The following KCND2 variants were observed in gnomAD, a reference collection of about 807,000 sequenced individuals.
KCND2 encodes the protein A-type voltage-gated potassium channel KCND2.
A neutral mutation model predicts 54.4 loss-of-function variants in KCND2; 16 were observed. The observed-to-expected ratio is 0.29, with a 90% CI of 0.20 to 0.45. The LOEUF is 0.45. Ranked by LOEUF, KCND2 falls within the 20% of genes least tolerant of loss-of-function variation. The pLI is 1.00. For missense variants in KCND2, 486 were observed against 824.2 expected, an observed-to-expected ratio of 0.59 and a Z score of 5.02; for synonymous variants, 317 against 310.7, an observed-to-expected ratio of 1.02 and a Z score of -0.21.
intron 1 of KCND2, among the ~76,000 whole-genome samples, chr7:120,418,558 A>T (rs1045829163): frequency 6.6e-6 from 1 of 152,030 alleles, no homozygotes; most frequent in Non-Finnish European, 1.5e-5. Context: ...AGAAATACTC[A>T]TTACTCAGAT....
intron 2 of KCND2, among the ~76,000 whole-genome samples, chr7:120,737,303 A>G (rs758410841): frequency 6.6e-6 from 1 of 151,978 alleles, no homozygotes; most frequent in Non-Finnish European, 1.5e-5. Context: ...GCAAGAAATA[A>G]CTACTTGCTA....
intron 1 of KCND2, among the ~76,000 whole-genome samples, chr7:120,509,271 T>G (rs1037938757): frequency 6.6e-6 from 1 of 151,972 alleles, no homozygotes; most frequent in African/African-American, 2.4e-5. Flanking sequence ...GAGTAAAGTA[T>G]GGACTTCAGT....
intron 1 of KCND2, among the ~76,000 whole-genome samples, chr7:120,620,110 T>C (rs1425345062): frequency 6.6e-6 from 1 of 152,158 alleles, no homozygotes; most frequent in African/African-American, 2.4e-5. Flanking sequence ...ATTTTGTAAG[T>C]ACAAAAATAA....
rs183449519 is a variant in KCND2, at chr7:120,509,878, T to C, written c.1116-223025T>C. ...ATCAATGTTTTGATACCATCTATTA[T>C]AGGATAAGCTTTGGTTCATTCTTCT... On this transcript the variant is annotated intron_variant, in intron 1 of 5. Transcript: ENST00000331113. 1.7e-4 allele frequency among the ~76,000 whole-genome samples: 26 copies of C among 152,192 alleles called. No homozygotes were observed. In the East Asian group the frequency reaches 4.3e-3, roughly 25 times the overall value.
intron 1 of KCND2, among the ~76,000 whole-genome samples, chr7:120,549,628 G>A (rs1180270151): frequency 1.3e-5 from 2 of 152,146 alleles, no homozygotes; most frequent in African/African-American, 4.8e-5. Flanking sequence ...TAGAGAAATT[G>A]TGAACTCAAC....
At chr7:120,299,921 T>A (rs75710046) in intron 1 of KCND2, among the ~76,000 whole-genome samples, 4,895 of 152,268 alleles carry the variant, frequency 0.032, 106 homozygotes, top group Non-Finnish European at 0.047. Context: ...CTTTGAAGAG[T>A]AATGTTGAAA....
At chr7:120,281,630 A>T (rs1008108075) in intron 1 of KCND2, among the ~76,000 whole-genome samples, 1 of 152,176 alleles carries the variant, frequency 6.6e-6, no homozygotes, top group Non-Finnish European at 1.5e-5. Flanking sequence ...ATTTTTATAT[A>T]TAATTTATGG....
chr7:120,294,596 C>T (rs967217250), intron 1 of KCND2, among the ~76,000 whole-genome samples: 2 of 151,704 alleles, frequency 1.3e-5, no homozygotes, highest in Admixed American at 1.3e-4. Flanking sequence ...TTAGAGAGAA[C>T]ATACATATAG....
intron 1 of KCND2, among the ~76,000 whole-genome samples, chr7:120,276,976 T>C (rs978212111): frequency 6.6e-6 from 1 of 152,106 alleles, no homozygotes; most frequent in Non-Finnish European, 1.5e-5. Context: ...GGCTACTCTT[T>C]AAGCTTTGTG....
At chr7:120,620,662 A>G (rs1222450589) in intron 1 of KCND2, among the ~76,000 whole-genome samples, 1 of 152,224 alleles carries the variant, frequency 6.6e-6, no homozygotes, top group East Asian at 1.9e-4. Context: ...TGACATGCTA[A>G]GTCATAATTT....
At chr7:120,302,561 G>C (rs981506597) in intron 1 of KCND2, among the ~76,000 whole-genome samples, 1 of 152,150 alleles carries the variant, frequency 6.6e-6, no homozygotes, top group Non-Finnish European at 1.5e-5. Context: ...ATAAGCCACT[G>C]TGCCTGGCCA....
intron 1 of KCND2, among the ~76,000 whole-genome samples, chr7:120,391,496 T>C (rs1268874111): frequency 2.0e-5 from 3 of 152,120 alleles, no homozygotes; most frequent in African/African-American, 7.2e-5. Context: ...TGCCACACTG[T>C]CTTCCACAAT....
chr7:120,520,851 C>A (rs1791683436), intron 1 of KCND2, among the ~76,000 whole-genome samples: 1 of 152,100 alleles, frequency 6.6e-6, no homozygotes, highest in Non-Finnish European at 1.5e-5. Context: ...CCTGATGTGT[C>A]AAGGTGAGTG....
intron 1 of KCND2, among the ~76,000 whole-genome samples, chr7:120,482,912 A>G (rs1201266509): frequency 6.6e-6 from 1 of 152,150 alleles, no homozygotes; most frequent in Non-Finnish European, 1.5e-5. Context: ...TAATTGCGTC[A>G]CTTATTACTC....
At chr7:120,629,013 A>G (rs1287255921) in intron 1 of KCND2, among the ~76,000 whole-genome samples, 2 of 152,232 alleles carry the variant, frequency 1.3e-5, no homozygotes, top group African/African-American at 4.8e-5. Flanking sequence ...TGCTATTAAG[A>G]AAAATGTACG....
chr7:120,320,932 A>G (rs747597150), intron 1 of KCND2, among the ~76,000 whole-genome samples: 4 of 152,170 alleles, frequency 2.6e-5, no homozygotes, highest in Non-Finnish European at 5.9e-5. Flanking sequence ...GCTTCCTGCA[A>G]GGAAATAGCT....
At chr7:120,314,237 T>C (rs1799781097) in intron 1 of KCND2, among the ~76,000 whole-genome samples, 1 of 152,072 alleles carries the variant, frequency 6.6e-6, no homozygotes, top group South Asian at 2.1e-4. Context: ...AATATGTTTA[T>C]TTTCAAAATG....
At chr7:120,677,944 G>T (rs1055714157) in intron 1 of KCND2, among the ~76,000 whole-genome samples, 1 of 151,856 alleles carries the variant, frequency 6.6e-6, no homozygotes, top group Admixed American at 6.6e-5. Flanking sequence ...GAAACTAATC[G>T]GTAGTCTGTA....
chr7:120,661,820 T>G (rs1289194683), intron 1 of KCND2, among the ~76,000 whole-genome samples: 1 of 152,156 alleles, frequency 6.6e-6, no homozygotes, highest in African/African-American at 2.4e-5. Context: ...AAATAGTGCC[T>G]GGAATGTTAA....
Sources: allele counts gnomAD v4.1 joint callset (sites outside exome capture counted in the v4.1 genomes callset), GRCh38; gene constraint gnomAD v4.1.1; transcripts MANE v1.5; gene names NCBI Gene and HGNC (gene_info 2026-07-23, HGNC 2026-07-21).